Variants in ZNF687 observed in about 807,000 individuals in gnomAD.
ZNF687 encodes the protein zinc finger protein 687.
In ZNF687, 13 loss-of-function variants were observed where a neutral mutation model predicts 71.8. The ratio of observed to expected loss-of-function variants is 0.18; its 90% confidence interval spans 0.12 to 0.29. The LOEUF (loss-of-function observed/expected upper bound fraction) is 0.29. ZNF687 is among the 10% of genes least tolerant of loss of function. The probability of loss-of-function intolerance (pLI) is 1.00; values close to 1 mark genes in which losing one functional copy is unlikely to be tolerated. For missense variants in ZNF687, 1,412 were observed against 1,625.6 expected, an observed-to-expected ratio of 0.87 and a Z score of 2.26; for synonymous variants, 673 against 641.6, an observed-to-expected ratio of 1.05 and a Z score of -0.74.
intron 5 of ZNF687, 52 bp downstream of exon 5, chr1:151,289,592 C>G (rs768273592): frequency 6.2e-7 from 1 of 1,611,694 alleles, no homozygotes; most frequent in East Asian, 2.2e-5. Flanking sequence ...TGACCTGGGG[C>G]TGGGGCCACA....
chr1:151,284,802 C>CTTTTTTTT (rs869269504), intron 1 of ZNF687, among the ~76,000 whole-genome samples: 2 of 56,418 alleles, frequency 3.5e-5, no homozygotes, highest in African/African-American at 1.6e-4. Context: ...CTTGTCTTGT[C>CTTTTTTTT]TTTTTTTTTT....
Position 151,291,137 on chromosome 1 carries a change from C to T in ZNF687, c.3642C>T (p.Asn1214=). 6.2e-7 allele frequency: 1 copy of T among 1,613,260 alleles called. No homozygotes were observed. The highest frequency in any genetic ancestry group is 8.5e-7 in the Non-Finnish European group (1 of 1,180,004). ...GCAAGAGCTGCGACAGCCCTCTAAA[C>T]CTCAAGACCCACTTCCGCACGCATG... ...VCGKSCDSPL[N]LKTHFRTHGM... Residue 1214 remains asparagine, a synonymous_variant, in exon 9 of 9, where the codon AAC becomes AAT. Transcript: ENST00000336715.
At chr1:151,288,486 GGACACTCCTCACC>G in intron 2 of ZNF687, 29 bp from the exon 3 acceptor site, 3 of 1,580,650 alleles carry the variant, frequency 1.9e-6, no homozygotes, top group Non-Finnish European at 2.6e-6. Context: ...AATGGAGACA[GGACACTCCTCACC>G]GACTTTCCTT....
chr1:151,286,559 G>A lies in ZNF687; in HGVS notation c.268G>A (p.Val90Met). ...AGTCAGTGTCATTGTCAAGAACACT[G>A]TGTGTCCCGAGCAGTCTGAGGCCCT... ...SVVSVIVKNT[V>M]CPEQSEALAG... is the part of the protein sequence containing the mutation. The change falls in exon 2 of 9, where the codon GTG becomes ATG. Residue 90 changes from valine (V) to methionine (M), a missense_variant. This residue lies in a region of ZNF687 where 490 missense variants were observed against 489.9 expected (regional missense o/e 1.00). Coordinates refer to ENST00000336715, the MANE Select transcript of ZNF687 (RefSeq NM_020832.3). 1 of 1,614,228 alleles carries A rather than the reference G, an allele frequency of 6.2e-7. No homozygotes were observed. Among genetic ancestry groups the A allele is most frequent in the Non-Finnish European group, 8.5e-7 (1 of 1,180,032 alleles).
In ZNF687 at chr1:151,291,130, C is replaced by T. The variant is rs1185941980; in HGVS notation, c.3635C>T (p.Pro1212Leu). ...CKVCGKSCDS[P>L]LNLKTHFRTH... is the part of the protein sequence containing the mutation. ...GTCTGTGGCAAGAGCTGCGACAGCCCTCTAAACCTCAAGACCCACTTCCGC... is the reference window on the plus strand; with the variant it reads ...GTCTGTGGCAAGAGCTGCGACAGCCTTCTAAACCTCAAGACCCACTTCCGC... Residue 1212 changes from proline to leucine, a missense_variant, in exon 9 of 9, where the codon CCT (proline) becomes CTT (leucine). Pro to Leu is a moderately conservative substitution (Grantham distance 98). This residue lies in a region of ZNF687 where 284 missense variants were observed against 359.2 expected (regional missense o/e 0.79). Coordinates refer to ENST00000336715, the MANE Select transcript of ZNF687 (RefSeq NM_020832.3). 1.2e-6 allele frequency: 2 copies of T among 1,613,278 alleles called. No individual in the cohort carries two copies. Among genetic ancestry groups the T allele is most frequent in the Admixed American group, 1.7e-5 (1 of 60,010 alleles).
At position 151,290,795 on chromosome 1, in the gene ZNF687, CA is replaced by C; in HGVS notation, c.3301del (p.Arg1101GlyfsTer25). 1.2e-6 allele frequency: 2 copies of C among 1,613,846 alleles called. No individual in the cohort carries two copies. Among genetic ancestry groups the C allele is most frequent in the South Asian group, 1.1e-5 (1 of 91,068 alleles). Reference protein sequence around the residue: ...DSTTPPAKSPRGGPGSGGHGP... With the variant: ...DSTTPPAKSPXGGPGSGGHGP... ...GCACGACACCGCCAGCCAAGTCCCC[CA>C]GGGGCGGACCTGGATCTGGAGGCCA... On this transcript the variant is annotated frameshift_variant, in exon 9 of 9. Transcript: ENST00000336715. LOFTEE classifies it high-confidence loss of function.
chr1:151,286,313 G>A lies in ZNF687; in HGVS notation c.22G>A (p.Asp8Asn). 6 of 1,572,782 alleles carry A rather than the reference G, an allele frequency of 3.8e-6. No homozygotes were observed. The highest frequency in any genetic ancestry group is 5.2e-6 in the Non-Finnish European group (6 of 1,163,428). MGDMKTP[D>N]FDDLLAAFDI... ...CGATATGGGGGATATGAAGACCCCT[G>A]ATTTTGATGACCTCCTTGCTGCCTT... Residue 8 changes from aspartate to asparagine, a missense_variant, in exon 2 of 9, where the codon GAT (aspartate) becomes AAT (asparagine). This residue lies in a region of ZNF687 where 490 missense variants were observed against 489.9 expected (regional missense o/e 1.00). Coordinates refer to ENST00000336715, the MANE Select transcript of ZNF687 (RefSeq NM_020832.3).
In ZNF687 at chr1:151,287,060, G is replaced by C. The variant is rs587740800; in HGVS notation, c.769G>C (p.Val257Leu). The C allele has an allele frequency of 1.2e-6, 2 of 1,611,570 alleles. No individual in the cohort carries two copies. Among genetic ancestry groups the C allele is most frequent in the Admixed American group, 1.7e-5 (1 of 59,884 alleles). Residue 257 changes from valine (V) to leucine (L), a missense_variant, in exon 2 of 9, where the codon GTT becomes CTT. By Grantham distance (32) the Val-to-Leu change is conservative (BLOSUM62 1). This residue lies in a region of ZNF687 where 490 missense variants were observed against 489.9 expected (regional missense o/e 1.00). Transcript: ENST00000336715. This position sits in a 1 kb window ranked among gnomAD's most constrained non-coding sequence, Gnocchi z 5.0. ...DIPASASPPP[V>L]AGVPFFKQSP... is the part of the protein sequence containing the mutation. ...CCCTGCCAGTGCCTCGCCTCCCCCA[G>C]TTGCTGGGGTGCCCTTCTTCAAGCA... is the stretch of plus-strand genomic sequence containing the variant.
Position 151,287,515 on chromosome 1 carries a change from C to A in ZNF687, c.1224C>A (p.Asn408Lys), listed in dbSNP as rs763987339. 1 of 1,614,122 alleles carries A rather than the reference C, an allele frequency of 6.2e-7. No individual in the cohort carries two copies. Among genetic ancestry groups the A allele is most frequent in the East Asian group, 2.2e-5 (1 of 44,878 alleles). ...GTVLPVATIQNASTAMLMAAS... is the reference protein window; with the variant it reads ...GTVLPVATIQKASTAMLMAAS... ...TGCTGCCTGTGGCCACCATCCAGAA[C>A]GCCAGTACTGCCATGCTGATGGCAG... The change falls in exon 2 of 9, where the codon AAC (asparagine) becomes AAA (lysine). Residue 408 changes from asparagine (N) to lysine (K), a missense_variant. Asn to Lys is a moderately conservative substitution (Grantham distance 94). Around this residue, in one of 8 missense-constraint regions of ZNF687, gnomAD observed 133 missense variants for 155.1 expected, o/e 0.86. Coordinates refer to ENST00000336715, the MANE Select transcript of ZNF687 (RefSeq NM_020832.3). The surrounding 1 kb of genome is among the most constrained non-coding windows in gnomAD (Gnocchi z 5.0).
chr1:151,288,392 G>A lies in ZNF687; in HGVS notation c.2101G>A (p.Gly701Arg). 6.2e-7 allele frequency: 1 copy of A among 1,604,716 alleles called. No individual in the cohort carries two copies. The highest frequency in any genetic ancestry group is 8.5e-7 in the Non-Finnish European group (1 of 1,176,524). ...CCAGCAGCTCGGCCCCCCTGCCCCT[G>A]GGGCCACCAGCAATGTGAGTCACCT... ...HFQQLGPPAPGATSNVCPTCP... is the reference protein window; with the variant it reads ...HFQQLGPPAPRATSNVCPTCP... Residue 701 changes from glycine to arginine, a missense_variant, in exon 2 of 9, where the codon GGG becomes AGG. Gly to Arg is a moderately radical substitution (Grantham distance 125). Coordinates refer to ENST00000336715, the MANE Select transcript of ZNF687 (RefSeq NM_020832.3).
chr1:151,289,357 T>TCTGCAC (rs1557772887), intron 4 of ZNF687, 21 bp from the exon 5 acceptor site: 2 of 1,614,102 alleles, frequency 1.2e-6, no homozygotes, highest in Admixed American at 3.3e-5. Context: ...CTGCCTGATG[T>TCTGCAC]CTGCACTGTC....
chr1:151,281,646 C>T, upstream of ZNF687: 1 of 469,376 alleles, frequency 2.1e-6, no homozygotes, highest in Non-Finnish European at 4.4e-6. Flanking sequence ...AGCTGAACCG[C>T]GCGAGGACCC....
intron 1 of ZNF687, among the ~76,000 whole-genome samples, chr1:151,285,038 G>A (rs1693883380): frequency 6.6e-6 from 1 of 152,014 alleles, no homozygotes; most frequent in Non-Finnish European, 1.5e-5. Context: ...GCCTCCCAAA[G>A]TGCTGGGATT....
upstream of ZNF687, chr1:151,281,951 G>C (rs375721059): frequency 2.0e-5 from 23 of 1,139,320 alleles, no homozygotes; most frequent in African/African-American, 2.9e-4. Flanking sequence ...GACGCACCTG[G>C]GTGCTCCCCC....
At position 151,289,442 on chromosome 1, in the gene ZNF687, T is replaced by G. The variant is rs745365440; in HGVS notation, c.2536T>G (p.Phe846Val). 6 of 1,614,020 alleles carry G rather than the reference T, an allele frequency of 3.7e-6. No individual in the cohort carries two copies. The highest frequency in any genetic ancestry group is 5.1e-6 in the Non-Finnish European group (6 of 1,180,054). ...TCACAAACCCCTCCTCTCCTCACAC[T>G]TCGACCAGCACTTGCTGCCCCAGCG... Reference protein sequence around the residue: ...FTHKPLLSSHFDQHLLPQRVS... With the variant: ...FTHKPLLSSHVDQHLLPQRVS... Residue 846 changes from phenylalanine (F) to valine (V), a missense_variant, in exon 5 of 9, where the codon TTC (phenylalanine) becomes GTC (valine). Coordinates refer to ENST00000336715, the MANE Select transcript of ZNF687 (RefSeq NM_020832.3).
chr1:151,286,908 G>C lies in ZNF687; in HGVS notation c.617G>C (p.Gly206Ala), dbSNP rs750886369. The C allele has an allele frequency of 1.2e-6, 2 of 1,613,108 alleles. No individual in the cohort carries two copies. Among genetic ancestry groups the C allele is most frequent in the South Asian group, 2.2e-5 (2 of 90,934 alleles). Residue 206 changes from glycine to alanine, a missense_variant, in exon 2 of 9, where the codon GGC (glycine) becomes GCC (alanine). This residue lies in a region of ZNF687 where 490 missense variants were observed against 489.9 expected (regional missense o/e 1.00). Coordinates refer to ENST00000336715, the MANE Select transcript of ZNF687 (RefSeq NM_020832.3). Reference protein sequence around the residue: ...PSSFELAQENGPGMQPPVSSP... With the variant: ...PSSFELAQENAPGMQPPVSSP... Reference sequence around the variant, plus strand: ...TCCTTTGAGCTGGCCCAGGAGAATGGCCCAGGCATGCAGCCACCTGTTTCT... The same window carrying C: ...TCCTTTGAGCTGGCCCAGGAGAATGCCCCAGGCATGCAGCCACCTGTTTCT...
Position 151,287,491 on chromosome 1 carries a change from G to A in ZNF687, c.1200G>A (p.Val400=), listed in dbSNP as rs1362647928. ...LGDGTRLKGT[V]LPVATIQNAS... ...ATGGTACAAGGCTGAAAGGCACTGT[G>A]CTGCCTGTGGCCACCATCCAGAACG... Residue 400 remains valine, a synonymous_variant, in exon 2 of 9, where the codon GTG becomes GTA. Coordinates refer to ENST00000336715, the MANE Select transcript of ZNF687 (RefSeq NM_020832.3). This position sits in a 1 kb window ranked among gnomAD's most constrained non-coding sequence, Gnocchi z 5.0. The A allele has an allele frequency of 6.2e-7, 1 of 1,614,192 alleles. No individual in the cohort carries two copies. The highest frequency in any genetic ancestry group is 8.5e-7 in the Non-Finnish European group (1 of 1,180,044).
intron 1 of ZNF687, chr1:151,283,789 T>G: frequency 2.2e-5 from 21 of 965,638 alleles, no homozygotes; most frequent in Non-Finnish European, 2.3e-5. Flanking sequence ...GACTCCCCCT[T>G]TGGTTTTGCC....
Position 151,282,338 on chromosome 1 carries a change from C to A in ZNF687, c.-75C>A, listed in dbSNP as rs1476171325. ...GCCGCGGGGAGGGCGGCGGTGGCTG[C>A]AGCGGCTGGAGCGGGGTAGAGACCG... On this transcript the variant is annotated 5_prime_UTR_variant, in exon 1 of 9. Coordinates refer to ENST00000336715, the MANE Select transcript of ZNF687 (RefSeq NM_020832.3). 1 of 1,000,442 alleles carries A rather than the reference C, an allele frequency of 1.0e-6. No individual in the cohort carries two copies. The allele number at this position is 1,000,442 out of a possible 1,614,324, so 62.0% of individuals were successfully genotyped here.
Sources: allele counts gnomAD v4.1 joint callset (sites outside exome capture counted in the v4.1 genomes callset), GRCh38; gene constraint gnomAD v4.1.1; regional missense constraint gnomAD v4.1.1; non-coding constraint Gnocchi (gnomAD v3.1); transcripts MANE v1.5; gene names NCBI Gene and HGNC (gene_info 2026-07-23, HGNC 2026-07-21).